Variants in GLRA3 observed in about 807,000 individuals in gnomAD.
GLRA3 encodes the protein glycine receptor subunit alpha-3.
A neutral mutation model predicts 60.4 loss-of-function variants in GLRA3; 44 were observed. The ratio of observed to expected loss-of-function variants is 0.73; its 90% CI spans 0.57 to 0.94. The LOEUF is 0.94. GLRA3 is among the 40% of genes least tolerant of loss of function. The pLI, the probability that GLRA3 is intolerant of heterozygous loss-of-function variation, is 0.00. For missense variants in GLRA3, 508 were observed against 564.6 expected, an observed-to-expected ratio of 0.90 and a Z score of 1.02; for synonymous variants, 223 against 192.9, an observed-to-expected ratio of 1.16 and a Z score of -1.29.
intron 5 of GLRA3, among the ~76,000 whole-genome samples, chr4:174,699,578 G>T (rs1243022179): frequency 6.6e-6 from 1 of 152,006 alleles, no homozygotes; most frequent in African/African-American, 2.4e-5. Flanking sequence ...TTGTTATGAG[G>T]ACTACTGTAA....
At chr4:174,798,433 C>G (rs1739656365) in intron 1 of GLRA3, among the ~76,000 whole-genome samples, 1 of 152,176 alleles carries the variant, frequency 6.6e-6, no homozygotes, top group Admixed American at 6.5e-5. Flanking sequence ...TTACCCATCT[C>G]CCTATGCTTC....
intron 1 of GLRA3, among the ~76,000 whole-genome samples, chr4:174,827,536 A>T (rs1207070879): frequency 6.6e-6 from 1 of 151,814 alleles, no homozygotes; most frequent in East Asian, 1.9e-4. Flanking sequence ...GGCTTTAATT[A>T]TTACAAATCA....
At chr4:174,772,907 A>G (rs1738448106) in intron 2 of GLRA3, among the ~76,000 whole-genome samples, 1 of 152,178 alleles carries the variant, frequency 6.6e-6, no homozygotes, top group South Asian at 2.1e-4. Flanking sequence ...AAAGAATGAA[A>G]TGGATACAGC....
At chr4:174,823,182 C>T (rs565105711) in intron 1 of GLRA3, among the ~76,000 whole-genome samples, 37 of 152,096 alleles carry the variant, frequency 2.4e-4, no homozygotes, top group African/African-American at 8.4e-4. Flanking sequence ...GCCATTTCCC[C>T]AAGCAAAATA....
chr4:174,688,266 C>T (rs1734625243), intron 5 of GLRA3, among the ~76,000 whole-genome samples: 1 of 137,044 alleles, frequency 7.3e-6, no homozygotes, highest in Admixed American at 7.9e-5. Context: ...AGTTGCTCTA[C>T]CTTACCTATT....
intron 5 of GLRA3, among the ~76,000 whole-genome samples, chr4:174,701,804 G>C (rs1411332819): frequency 1.3e-5 from 2 of 152,168 alleles, no homozygotes; most frequent in Non-Finnish European, 2.9e-5. Flanking sequence ...GGCAGAAACA[G>C]CAAGAGAACT....
chr4:174,822,872 C>G (rs375184184), intron 1 of GLRA3, among the ~76,000 whole-genome samples: 2 of 152,168 alleles, frequency 1.3e-5, no homozygotes, highest in East Asian at 1.9e-4. Flanking sequence ...CTACGAGGTA[C>G]TAGTAATACT....
intron 2 of GLRA3, among the ~76,000 whole-genome samples, chr4:174,767,235 G>C (rs982517254): frequency 1.3e-5 from 2 of 151,862 alleles, no homozygotes; most frequent in African/African-American, 4.8e-5. Flanking sequence ...CACTGATGCT[G>C]ATCATTTTTT....
chr4:174,694,817 T>C (rs1477381756), intron 5 of GLRA3, among the ~76,000 whole-genome samples: 2 of 151,754 alleles, frequency 1.3e-5, no homozygotes, highest in Non-Finnish European at 2.9e-5. Context: ...TAATAAAACA[T>C]AGGCCACTAG....
At chr4:174,680,020 A>G (rs974619783) in intron 6 of GLRA3, among the ~76,000 whole-genome samples, 1 of 152,238 alleles carries the variant, frequency 6.6e-6, no homozygotes, top group Admixed American at 6.5e-5. Flanking sequence ...CCCAACACAA[A>G]GAATTGATAA....
chr4:174,732,942 T>C (rs1736613305), intron 3 of GLRA3, among the ~76,000 whole-genome samples: 1 of 152,190 alleles, frequency 6.6e-6, no homozygotes, highest in Admixed American at 6.5e-5. Flanking sequence ...ATTATACAGG[T>C]ATCTTTAATA....
At chr4:174,819,315 G>A (rs906791481) in intron 1 of GLRA3, among the ~76,000 whole-genome samples, 3 of 152,262 alleles carry the variant, frequency 2.0e-5, no homozygotes, top group African/African-American at 7.2e-5. Flanking sequence ...CTCTTGAAGA[G>A]TCATACAGAT....
At chr4:174,690,665 C>T (rs1044266857) in intron 5 of GLRA3, among the ~76,000 whole-genome samples, 1 of 152,116 alleles carries the variant, frequency 6.6e-6, no homozygotes, top group Non-Finnish European at 1.5e-5. Context: ...CTCTTCCTCT[C>T]CCACCTCAAG....
At chr4:174,718,777 T>C (rs955993698) in intron 4 of GLRA3, among the ~76,000 whole-genome samples, 2 of 152,148 alleles carry the variant, frequency 1.3e-5, no homozygotes, top group Non-Finnish European at 2.9e-5. Flanking sequence ...AGGCAGTATT[T>C]TAAACACTTT....
At chr4:174,650,958 T>G (rs775650088) in intron 9 of GLRA3, among the ~76,000 whole-genome samples, 1 of 152,214 alleles carries the variant, frequency 6.6e-6, no homozygotes, top group African/African-American at 2.4e-5. Flanking sequence ...TGCTAACACA[T>G]AGCTGTAGAT....
intron 3 of GLRA3, among the ~76,000 whole-genome samples, chr4:174,760,464 T>A (rs935608132): frequency 6.6e-6 from 1 of 152,198 alleles, no homozygotes; most frequent in African/African-American, 2.4e-5. Context: ...ATCTCACTCC[T>A]AGGAATATAC....
rs898563021 is a variant in GLRA3, at chr4:174,727,909, T to C, written c.491+566A>G. Among the ~76,000 whole-genome samples the C allele has an allele frequency of 1.1e-4, 16 of 152,156 alleles. 1 individual carries two copies. Among genetic ancestry groups the C allele is most frequent in the Admixed American group, 8.5e-4 (13 of 15,270 alleles). On this transcript the variant is annotated intron_variant, in intron 4 of 9. Coordinates refer to ENST00000274093, the MANE Select transcript of GLRA3 (RefSeq NM_006529.4). ...GGTTTTGTCATCCATTTTCACATAATACAGTGATTTTTTTTCTTCCCTGCC... is the reference window on the plus strand; with the variant it reads ...GGTTTTGTCATCCATTTTCACATAACACAGTGATTTTTTTTCTTCCCTGCC...
intron 7 of GLRA3, among the ~76,000 whole-genome samples, chr4:174,660,978 C>G (rs1733411264): frequency 6.6e-6 from 1 of 152,162 alleles, no homozygotes; most frequent in South Asian, 2.1e-4. Flanking sequence ...TCCTCACTTT[C>G]TGGCACAAGA....
At chr4:174,691,414 T>C (rs1045014016) in intron 5 of GLRA3, among the ~76,000 whole-genome samples, 3 of 152,100 alleles carry the variant, frequency 2.0e-5, no homozygotes, top group African/African-American at 7.2e-5. Flanking sequence ...TCTCCCTCTC[T>C]TTCCACGGTC....
Sources: gnomAD v4.1 joint callset for allele counts (sites outside exome capture counted in the v4.1 genomes callset) on GRCh38, gnomAD v4.1.1 for gene constraint, MANE v1.5 for transcripts, NCBI Gene and HGNC (gene_info 2026-07-23, HGNC 2026-07-21) for gene names.